The following ALG1L2 variants were observed in gnomAD, a reference collection of about 807,000 sequenced individuals.
ALG1L2 encodes ALG1 chitobiosyldiphosphodolichol beta-mannosyltransferase like 2, also known as putative glycosyltransferase ALG1L2.
Under a neutral mutation model 29.0 loss-of-function variants are expected in ALG1L2, and 32 were observed. The ratio of observed to expected loss-of-function variants is 1.10; its 90% CI spans 0.83 to 1.48. The LOEUF (loss-of-function observed/expected upper bound fraction) is 1.48, where lower values mean the gene tolerates loss of function less well. ALG1L2 is among the 40% of genes most tolerant of loss of function. The pLI, the probability that ALG1L2 is intolerant of heterozygous loss-of-function variation, is 0.00. For synonymous variants in ALG1L2, 110 were observed against 109.5 expected (o/e 1.00, Z -0.03); for missense variants, 318 against 274.1 (o/e 1.16, Z -1.13).
intron 6 of ALG1L2, 46 bp from the exon 7 acceptor site, chr3:130,097,129 G>T (rs2976121): frequency 1.2e-6 from 2 of 1,608,092 alleles, no homozygotes; most frequent in Admixed American, 3.4e-5. Flanking sequence ...CAGGGGTCTA[G>T]TGTCTTCTCC....
At chr3:130,089,759 G>A (rs1413705306) in intron 1 of ALG1L2, among the ~76,000 whole-genome samples, 1 of 151,988 alleles carries the variant, frequency 6.6e-6, no homozygotes, top group Non-Finnish European at 1.5e-5. Flanking sequence ...TAAATTGAAG[G>A]GCCAGGTGCA....
chr3:130,097,090 G>T (rs1465137631), intron 6 of ALG1L2, 85 bp from the exon 7 acceptor site: 33 of 1,572,640 alleles, frequency 2.1e-5, no homozygotes, highest in Non-Finnish European at 2.8e-5. Context: ...GCTTGAGCGT[G>T]GGGTGGGTGG....
At chr3:130,086,163 G>T (rs1478369218) in intron 1 of ALG1L2, among the ~76,000 whole-genome samples, 1 of 151,288 alleles carries the variant, frequency 6.6e-6, no homozygotes, top group Admixed American at 6.6e-5. Flanking sequence ...ACAAATAAGA[G>T]GTTAATCTGT....
At chr3:130,096,997 C>G (rs1032735446) in intron 6 of ALG1L2, among the ~76,000 whole-genome samples, 178 bp from the exon 7 acceptor site, 1 of 152,130 alleles carries the variant, frequency 6.6e-6, no homozygotes, top group Non-Finnish European at 1.5e-5. Context: ...ATGTGCACCC[C>G]CCCCAGGCTT....
chr3:130,093,204 G>A (rs1398311934), intron 4 of ALG1L2, 44 bp downstream of exon 4: 3 of 1,583,536 alleles, frequency 1.9e-6, no homozygotes, highest in Admixed American at 3.3e-5. Flanking sequence ...GGGGGATGGT[G>A]GAGGGGGAGG....
intron 5 of ALG1L2, 70 bp downstream of exon 5, chr3:130,094,583 G>C (rs1185678810): frequency 6.9e-7 from 1 of 1,458,552 alleles, no homozygotes. Flanking sequence ...TGGGCGGGGT[G>C]TACCTTTTCT....
In ALG1L2 at chr3:130,092,148, G is replaced by A. The variant is rs745526895; in HGVS notation, c.179G>A (p.Arg60Gln). 13 of 1,613,374 alleles carry A rather than the reference G, an allele frequency of 8.1e-6. No individual in the cohort carries two copies. Among genetic ancestry groups the A allele is most frequent in the South Asian group, 3.3e-5 (3 of 91,038 alleles). ...PDTERSAFTE[R>Q]DSGSGLVTRL... ...ACAGAGCGGTCGGCCTTCACGGAGC[G>A]GGATTCTGGGAGCGGGCTGGTGACG... Residue 60 changes from arginine (R) to glutamine (Q), a missense_variant, in exon 3 of 8, where the codon CGG (arginine) becomes CAG (glutamine). Transcript: ENST00000425059.
intron 4 of ALG1L2, among the ~76,000 whole-genome samples, chr3:130,093,699 T>G (rs1935068021): frequency 1.3e-5 from 2 of 152,168 alleles, no homozygotes; most frequent in Non-Finnish European, 2.9e-5. Flanking sequence ...GCTGAAATTA[T>G]AGATATGAAC....
In ALG1L2 at chr3:130,097,129, G is replaced by A. The variant is rs2976121; in HGVS notation, c.540-46G>A. 247 of 1,608,092 alleles carry A rather than the reference G, an allele frequency of 1.5e-4. 1 individual carries two copies. The African/African-American group carries it at 3.0e-3, about 19-fold the overall frequency. The stretch of plus-strand genomic sequence containing the variant: ...CCCAGCTGGGCACCCCAGGGGTCTA[G>A]TGTCTTCTCCAGGAAACTCTCGGGC... On this transcript the variant is annotated intron_variant, in intron 6 of 7. Coordinates refer to ENST00000425059, the MANE Select transcript of ALG1L2 (RefSeq NM_001136152.1).
At position 130,097,438 on chromosome 3, in the gene ALG1L2, T is replaced by G. The variant is rs942671251; in HGVS notation, c.615+188T>G. 4.6e-5 allele frequency among the ~76,000 whole-genome samples: 7 copies of G among 152,018 alleles called. 1 individual carries two copies. The South Asian group carries it at 6.2e-4, about 14-fold the overall frequency. ...TCCCATTTCGGTACAGTAGGCTCGGTAAAGTTAGGACACAACCCCACCTGC... is the reference window on the plus strand; with the variant it reads ...TCCCATTTCGGTACAGTAGGCTCGGGAAAGTTAGGACACAACCCCACCTGC... On this transcript the variant is annotated intron_variant, in intron 7 of 7. Coordinates refer to ENST00000425059, the MANE Select transcript of ALG1L2 (RefSeq NM_001136152.1).
chr3:130,093,221 C>A (rs1432862130), intron 4 of ALG1L2, 61 bp downstream of exon 4: 4 of 1,553,898 alleles, frequency 2.6e-6, no homozygotes, highest in Non-Finnish European at 3.5e-6. Flanking sequence ...GAGGGGCACA[C>A]AGCCTTTACC....
intron 1 of ALG1L2, among the ~76,000 whole-genome samples, chr3:130,088,521 A>T (rs1233155987): frequency 6.6e-6 from 1 of 152,296 alleles, no homozygotes; most frequent in Non-Finnish European, 1.5e-5. Context: ...GGATTTAAGC[A>T]ATTTTCGTGC....
At chr3:130,089,388 C>T (rs534642159) in intron 1 of ALG1L2, 4 of 152,262 alleles carry the variant, frequency 2.6e-5, no homozygotes, top group African/African-American at 9.6e-5. Context: ...GAGTCATGGC[C>T]TCAGGCCACA....
intron 1 of ALG1L2, among the ~76,000 whole-genome samples, chr3:130,085,663 G>A (rs1452979461): frequency 1.3e-5 from 2 of 151,708 alleles, no homozygotes; most frequent in African/African-American, 4.8e-5. Flanking sequence ...CTGGGGGTCA[G>A]GACTCCAAGA....
intron 4 of ALG1L2, 148 bp downstream of exon 4, chr3:130,093,308 G>A (rs1281352623): frequency 5.6e-6 from 5 of 895,184 alleles, no homozygotes; most frequent in African/African-American, 1.7e-5. Context: ...CTTGACATGC[G>A]GGAAACTGAG....
At chr3:130,085,616 G>A (rs1934872127) in intron 1 of ALG1L2, among the ~76,000 whole-genome samples, 1 of 151,402 alleles carries the variant, frequency 6.6e-6, no homozygotes, top group Admixed American at 6.6e-5. Flanking sequence ...GACTACCTTT[G>A]TAATGACTAT....
intron 2 of ALG1L2, 169 bp from the exon 3 acceptor site, chr3:130,091,932 T>A: frequency 9.3e-7 from 1 of 1,080,730 alleles, no homozygotes; most frequent in Admixed American, 2.2e-5. Flanking sequence ...GCAACAATAT[T>A]AGAGAAAGCA....
At chr3:130,088,607 G>A (rs1029775703) in intron 1 of ALG1L2, among the ~76,000 whole-genome samples, 2 of 152,232 alleles carry the variant, frequency 1.3e-5, no homozygotes, top group Non-Finnish European at 2.9e-5. Flanking sequence ...TATTAGAGAT[G>A]GGGTTTCAAC....
chr3:130,097,547 A>G (rs1227410866), intron 7 of ALG1L2, among the ~76,000 whole-genome samples: 1 of 152,264 alleles, frequency 6.6e-6, no homozygotes, highest in Non-Finnish European at 1.5e-5. Context: ...GATCAGGATC[A>G]GGTAGTGCGT....
Sources: gnomAD v4.1 joint callset for allele counts (sites outside exome capture counted in the v4.1 genomes callset) on GRCh38, gnomAD v4.1.1 for gene constraint, MANE v1.5 for transcripts, NCBI Gene and HGNC (gene_info 2026-07-23, HGNC 2026-07-21) for gene names.